Variants in CEP290 observed in about 807,000 individuals in gnomAD.
The protein encoded by CEP290 is centrosomal protein 290.
A neutral mutation model predicts 344.9 loss-of-function variants in CEP290; 317 were observed. The observed-to-expected ratio is 0.92, with a 90% CI of 0.84 to 1.01. The LOEUF (loss-of-function observed/expected upper bound fraction) is 1.01. Ranked by LOEUF, CEP290 falls within the 50% of genes least tolerant of loss-of-function variation. CEP290 has a pLI of 0.00. For synonymous variants in CEP290, 932 were observed against 895.8 expected, an observed-to-expected ratio of 1.04 and a Z score of -0.72; for missense variants, 2,754 against 2,761.4, an observed-to-expected ratio of 1.00 and a Z score of 0.06.
chr12:88,132,818 C>T (rs1003576024), intron 6 of CEP290, among the ~76,000 whole-genome samples: 9 of 152,136 alleles, frequency 5.9e-5, no homozygotes, highest in African/African-American at 2.2e-4. Flanking sequence ...TGGCTTGCTG[C>T]ACAGATCAAC....
chr12:88,050,119 A>G (rs1028094280), intron 53 of CEP290: 39 of 352,494 alleles, frequency 1.1e-4, no homozygotes, highest in Non-Finnish European at 1.6e-4. Context: ...CTAATGGCAT[A>G]TATTTGTTAC....
At chr12:88,111,436 G>A (rs1216979871) in intron 21 of CEP290, 85 bp from the exon 22 acceptor site, 5 of 1,261,212 alleles carry the variant, frequency 4.0e-6, no homozygotes, top group Non-Finnish European at 5.4e-6. Context: ...GCCCTGCCAG[G>A]AATTTTACCT....
In CEP290 at chr12:88,117,081, T is replaced by G; in HGVS notation, c.1776A>C (p.Arg592Ser). ...TTTTGAGGCTCAATAAATCCAATTT[T>G]CTTTCACTTATTCTATCTCCTTGAG... Reference protein sequence around the residue: ...NISQGDRISERKLDLLSLKNM... With the variant: ...NISQGDRISESKLDLLSLKNM... Residue 592 changes from arginine (R) to serine (S), a missense_variant, in exon 18 of 54, where the codon AGA becomes AGC. Physicochemically the swap from Arg to Ser is moderately radical, Grantham distance 110. Transcript: ENST00000552810. The G allele has an allele frequency of 1.3e-6, 2 of 1,561,896 alleles. No homozygotes were observed. Among genetic ancestry groups the G allele is most frequent in the South Asian group, 1.2e-5 (1 of 85,036 alleles).
At chr12:88,108,764 A>T (rs2137656409) in intron 23 of CEP290, among the ~76,000 whole-genome samples, 1 of 152,336 alleles carries the variant, frequency 6.6e-6, no homozygotes, top group Admixed American at 6.5e-5. Flanking sequence ...GGTATTACTT[A>T]CAAAGTAACT....
rs748251474 is a variant in CEP290 at position 88,121,147 on chromosome 12, T to A, written c.1209A>T (p.Gln403His). The A allele has an allele frequency of 6.2e-7, 1 of 1,613,002 alleles. No homozygotes were observed. Among genetic ancestry groups the A allele is most frequent in the South Asian group, 1.1e-5 (1 of 90,926 alleles). ...TTGACTGAATTTTCATATGAGTCTG[T>A]TGAGAAAGGGTTGAAGCACCTACAG... is the stretch of plus-strand genomic sequence containing the variant. ...QRNKGASTLS[Q>H]QTHMKIQSTL... The change falls in exon 14 of 54, where the codon CAA (glutamine) becomes CAT (histidine). Residue 403 changes from glutamine (Q) to histidine (H), a missense_variant. Transcript: ENST00000552810.
intron 25 of CEP290, among the ~76,000 whole-genome samples, chr12:88,105,773 T>C (rs2038228363): frequency 6.6e-6 from 1 of 152,076 alleles, no homozygotes; most frequent in Admixed American, 6.6e-5. Flanking sequence ...CGCTCTGTTA[T>C]ACAGGCACAT....
At chr12:88,116,770 C>T (rs973662661) in intron 18 of CEP290, among the ~76,000 whole-genome samples, 6 of 151,800 alleles carry the variant, frequency 4.0e-5, no homozygotes, top group Admixed American at 1.3e-4. Flanking sequence ...GTCAGAAGAT[C>T]GAGACCATCC....
At chr12:88,099,505 A>G (rs1357259807) in intron 26 of CEP290, among the ~76,000 whole-genome samples, 2 of 152,174 alleles carry the variant, frequency 1.3e-5, no homozygotes, top group Non-Finnish European at 2.9e-5. Context: ...CATGCCAGGT[A>G]CTCTAAGCAA....
chr12:88,114,172 C>T (rs2038898720), intron 20 of CEP290, among the ~76,000 whole-genome samples: 1 of 152,026 alleles, frequency 6.6e-6, no homozygotes. Context: ...CTCAAGCTGA[C>T]CCTTGAACCA....
chr12:88,120,221 A>G lies in CEP290; in HGVS notation c.1415T>C (p.Ile472Thr). ...VVEIKNCKNQ[I>T]KIRDREIEIL... ...TTCAATCTCTCGATCTCTTATTTTA[A>G]TTTGGTTTTTACAATTCTTTATTTC... The change falls in exon 15 of 54, where the codon ATT becomes ACT. Residue 472 changes from isoleucine (I) to threonine (T), a missense_variant. Transcript: ENST00000552810. 6.6e-7 allele frequency: 1 copy of G among 1,512,510 alleles called. No homozygotes were observed. The highest frequency in any genetic ancestry group is 2.1e-5 in the Admixed American group (1 of 46,708). 93.7% of individuals were successfully genotyped at this position (1,512,510 alleles called of 1,614,324 possible). A position where few individuals can be genotyped will look rare whatever the true frequency, so the allele number is the denominator to read the frequency against.
At chr12:88,115,978 C>A (rs2039014284) in intron 18 of CEP290, 3 of 984,802 alleles carry the variant, frequency 3.0e-6, no homozygotes, top group Non-Finnish European at 3.6e-6. Flanking sequence ...TGGGAATGAA[C>A]CTGTTCTTCT....
In CEP290 at chr12:88,130,373, A is replaced by G; in HGVS notation, c.564T>C (p.Asp188=). ...TTGATAAAAGTGTTTCTTTCTGTGA[A>G]TCTATTTGTTTCTGGTAGTCAATAA... is the stretch of plus-strand genomic sequence containing the variant. The part of the protein sequence containing the change: ...QDIIDYQKQI[D]SQKETLLSRR... Residue 188 remains aspartate (D), a synonymous_variant, in exon 9 of 54, where the codon GAT becomes GAC. Coordinates refer to ENST00000552810, the MANE Select transcript of CEP290 (RefSeq NM_025114.4). 6.2e-7 allele frequency: 1 copy of G among 1,610,594 alleles called. No homozygotes were observed. The highest frequency in any genetic ancestry group is 8.5e-7 in the Non-Finnish European group (1 of 1,178,720).
chr12:88,073,684 C>T (rs1384699075), intron 41 of CEP290, among the ~76,000 whole-genome samples: 1 of 152,020 alleles, frequency 6.6e-6, no homozygotes, highest in East Asian at 1.9e-4. Flanking sequence ...ATAATCTCAG[C>T]ACTTTGGGAG....
intron 44 of CEP290, among the ~76,000 whole-genome samples, chr12:88,068,053 G>A (rs184821719): frequency 3.9e-5 from 6 of 152,124 alleles, no homozygotes; most frequent in African/African-American, 1.4e-4. Context: ...TCTGCTTAAG[G>A]TGGAAGAATG....
chr12:88,087,488 A>T (rs2036670412), intron 32 of CEP290, among the ~76,000 whole-genome samples: 1 of 152,050 alleles, frequency 6.6e-6, no homozygotes, highest in African/African-American at 2.4e-5. Flanking sequence ...TGGGAGGCCG[A>T]GGCGGGCGGA....
intron 22 of CEP290, 43 bp from the exon 23 acceptor site, chr12:88,109,224 T>A: frequency 1.5e-6 from 1 of 647,808 alleles, no homozygotes; most frequent in South Asian, 2.1e-5. Context: ...AAAAACACAA[T>A]AGAATAAATG....
chr12:88,059,894 A>T lies in CEP290; in HGVS notation c.6645+4T>A. 4 of 1,574,820 alleles carry T rather than the reference A, an allele frequency of 2.5e-6. No individual in the cohort carries two copies. In the African/African-American group the frequency reaches 5.5e-5, roughly 22 times the overall value. ...AAAGTTATAATCAGTCATAAAAGTC[A>T]TACTTTTTTAAGTTCTTTACGAAGC... On this transcript the variant is annotated splice_donor_region_variant and intron_variant, in intron 48 of 53. Transcript: ENST00000552810.
At chr12:88,067,507 G>A (rs966463257) in intron 44 of CEP290, among the ~76,000 whole-genome samples, 7 of 152,090 alleles carry the variant, frequency 4.6e-5, no homozygotes, top group Non-Finnish European at 1.0e-4. Context: ...ACTAAGCCAC[G>A]GCATCAGCAA....
At chr12:88,106,074 CAGAGT>C (rs2038254723) in intron 25 of CEP290, among the ~76,000 whole-genome samples, 1 of 152,122 alleles carries the variant, frequency 6.6e-6, no homozygotes, top group Non-Finnish European at 1.5e-5. Context: ...TTTTCCTTAA[CAGAGT>C]AATCAATTAC....
Sources: gnomAD v4.1 joint callset for allele counts (sites outside exome capture counted in the v4.1 genomes callset) on GRCh38, gnomAD v4.1.1 for gene constraint, MANE v1.5 for transcripts, NCBI Gene and HGNC (gene_info 2026-07-23, HGNC 2026-07-21) for gene names.